Variants in INPP4B observed in about 807,000 individuals in gnomAD.
INPP4B encodes the protein inositol polyphosphate 4-phosphatase type II.
INPP4B carries 55 observed loss-of-function variants against 122.5 expected under a neutral mutation model. The observed-to-expected ratio is 0.45, with a 90% CI of 0.36 to 0.56. The LOEUF is 0.56. Ranked by LOEUF, INPP4B falls within the 20% of genes least tolerant of loss-of-function variation. The probability of loss-of-function intolerance (pLI) is 0.00; values close to 1 mark genes in which losing one functional copy is unlikely to be tolerated. For synonymous variants in INPP4B, 403 were observed against 388.7 expected, an observed-to-expected ratio of 1.04 and a Z score of -0.43; for missense variants, 1,000 against 1,097.7, an observed-to-expected ratio of 0.91 and a Z score of 1.26.
At chr4:142,748,455 AAAAGT>A (rs1173373650) in intron 1 of INPP4B, among the ~76,000 whole-genome samples, 1 of 152,086 alleles carries the variant, frequency 6.6e-6, no homozygotes, top group East Asian at 1.9e-4. Context: ...TAGTTCTTTG[AAAAGT>A]TTAATAGAAT....
At chr4:142,698,773 C>T (rs1156530236) in intron 2 of INPP4B, among the ~76,000 whole-genome samples, 1 of 152,160 alleles carries the variant, frequency 6.6e-6, no homozygotes, top group East Asian at 1.9e-4. Flanking sequence ...CCAGGGCTGG[C>T]CATGCTCTTA....
At chr4:142,763,059 G>A (rs991209157) in intron 1 of INPP4B, among the ~76,000 whole-genome samples, 1 of 152,144 alleles carries the variant, frequency 6.6e-6, no homozygotes, top group African/African-American at 2.4e-5. Context: ...CCAGAACTGT[G>A]AGAAATAAAT....
intron 2 of INPP4B, among the ~76,000 whole-genome samples, chr4:142,533,146 G>C (rs188728179): frequency 6.2e-4 from 95 of 152,222 alleles, no homozygotes; most frequent in South Asian, 4.4e-3. Context: ...ATCTTCGGAG[G>C]TCAAAATTCA....
intron 9 of INPP4B, among the ~76,000 whole-genome samples, chr4:142,290,955 T>C (rs1288236973): frequency 6.6e-6 from 1 of 152,118 alleles, no homozygotes; most frequent in African/African-American, 2.4e-5. Context: ...CTAGTTCAAT[T>C]TTTTTGAACA....
At chr4:142,663,140 A>G (rs1755488780) in intron 2 of INPP4B, among the ~76,000 whole-genome samples, 1 of 152,216 alleles carries the variant, frequency 6.6e-6, no homozygotes, top group South Asian at 2.1e-4. Context: ...AGAGAAAGGT[A>G]TGAAGTACAA....
chr4:142,479,611 CATAGGATACT>C lies in INPP4B; in HGVS notation c.-190-16895_-190-16886del, dbSNP rs369316553. 4.9e-3 allele frequency among the ~76,000 whole-genome samples: 751 copies of C among 152,116 alleles called. 7 individuals carry two copies. The highest frequency in any genetic ancestry group is 0.017 in the African/African-American group (717 of 41,502). ...TAAAGAAAATATGGTACATATATAC[CATAGGATACT>C]ATACAGCTATAAAAAAGAATGAGAT... On this transcript the variant is annotated intron_variant, in intron 2 of 25. Transcript: ENST00000262992.
At chr4:142,557,378 A>G (rs1729442490) in intron 2 of INPP4B, among the ~76,000 whole-genome samples, 1 of 152,290 alleles carries the variant, frequency 6.6e-6, no homozygotes, top group South Asian at 2.1e-4. Flanking sequence ...CACTGTAAAG[A>G]ATTACTTCAA....
intron 12 of INPP4B, among the ~76,000 whole-genome samples, chr4:142,211,099 A>C (rs1052216964): frequency 1.3e-5 from 2 of 152,310 alleles, no homozygotes; most frequent in South Asian, 4.1e-4. Context: ...TCTGAAAAGG[A>C]CAAACAACTA....
chr4:142,125,077 A>T (rs985755765), intron 18 of INPP4B, among the ~76,000 whole-genome samples: 1 of 152,096 alleles, frequency 6.6e-6, no homozygotes, highest in African/African-American at 2.4e-5. Context: ...CTCATACTGG[A>T]AACAGAAGTT....
chr4:142,305,944 T>G (rs955553562), intron 8 of INPP4B: 2 of 1,017,258 alleles, frequency 2.0e-6, no homozygotes, highest in South Asian at 3.7e-5. Context: ...ATTCCAGATA[T>G]GAGCAAATCT....
intron 2 of INPP4B, among the ~76,000 whole-genome samples, chr4:142,676,378 T>C (rs1490446775): frequency 6.6e-6 from 1 of 152,116 alleles, no homozygotes; most frequent in Non-Finnish European, 1.5e-5. Flanking sequence ...TCCATGCTCA[T>C]AGACAGGAAG....
At chr4:142,531,428 G>A (rs1827599263) in intron 2 of INPP4B, among the ~76,000 whole-genome samples, 1 of 152,086 alleles carries the variant, frequency 6.6e-6, no homozygotes, top group Non-Finnish European at 1.5e-5. Flanking sequence ...ATATCAGTCA[G>A]TAGAATAATG....
chr4:142,623,407 T>G (rs1378383160), intron 2 of INPP4B, among the ~76,000 whole-genome samples: 1 of 151,916 alleles, frequency 6.6e-6, no homozygotes, highest in Non-Finnish European at 1.5e-5. Flanking sequence ...ACACACAAGC[T>G]GACACCTTTT....
intron 1 of INPP4B, among the ~76,000 whole-genome samples, chr4:142,787,436 A>G (rs1775915157): frequency 6.6e-6 from 1 of 152,122 alleles, no homozygotes; most frequent in African/African-American, 2.4e-5. Flanking sequence ...CCCTCTCCAG[A>G]TGCTGGCACC....
intron 16 of INPP4B, among the ~76,000 whole-genome samples, chr4:142,171,403 G>A (rs1386112897): frequency 5.3e-5 from 8 of 151,716 alleles, no homozygotes; most frequent in Non-Finnish European, 1.2e-4. Flanking sequence ...AGGAAACCAG[G>A]GGACTCTCCA....
intron 7 of INPP4B, among the ~76,000 whole-genome samples, chr4:142,381,015 T>G (rs1178041945): frequency 5.9e-5 from 9 of 152,172 alleles, no homozygotes; most frequent in African/African-American, 1.9e-4. Flanking sequence ...CCCCTACTGA[T>G]AAGCCTTCAT....
chr4:142,500,250 C>T (rs1294108599), intron 2 of INPP4B, among the ~76,000 whole-genome samples: 1 of 152,148 alleles, frequency 6.6e-6, no homozygotes, highest in East Asian at 1.9e-4. Flanking sequence ...CCTAAGAAGG[C>T]TGACTGCTGG....
intron 5 of INPP4B, among the ~76,000 whole-genome samples, chr4:142,408,452 C>T (rs1803916146): frequency 6.6e-6 from 1 of 152,134 alleles, no homozygotes; most frequent in Non-Finnish European, 1.5e-5. Flanking sequence ...ACTTGGGAGG[C>T]TGAGGCACAA....
At chr4:142,664,219 G>A (rs1377706616) in intron 2 of INPP4B, among the ~76,000 whole-genome samples, 1 of 152,104 alleles carries the variant, frequency 6.6e-6, no homozygotes, top group African/African-American at 2.4e-5. Flanking sequence ...GGACTTTGAT[G>A]GTAGCAGGCT....
Sources: allele counts gnomAD v4.1 joint callset (sites outside exome capture counted in the v4.1 genomes callset), GRCh38; gene constraint gnomAD v4.1.1; transcripts MANE v1.5; gene names NCBI Gene and HGNC (gene_info 2026-07-23, HGNC 2026-07-21).